HEPHL1: variants seen among roughly 807,000 people sequenced by gnomAD.
The protein encoded by HEPHL1 is ferroxidase HEPHL1.
A neutral mutation model predicts 122.0 loss-of-function variants in HEPHL1; 123 were observed. The ratio of observed to expected loss-of-function variants is 1.01; its 90% CI spans 0.87 to 1.17. The LOEUF (loss-of-function observed/expected upper bound fraction) is 1.17, where lower values mean the gene tolerates loss of function less well. Ranked by LOEUF, HEPHL1 falls within the 50% of genes most tolerant of loss-of-function variation. HEPHL1 has a pLI of 0.00. For missense variants in HEPHL1, 1,452 were observed against 1,430.5 expected (o/e 1.01, Z -0.24); for synonymous variants, 527 against 508.9 (o/e 1.04, Z -0.48).
intron 1 of HEPHL1, among the ~76,000 whole-genome samples, chr11:94,043,063 T>C (rs939539455): frequency 2.6e-5 from 4 of 152,048 alleles, no homozygotes; most frequent in Admixed American, 1.3e-4. Context: ...AAGTGCTCCA[T>C]GATACCTGAC....
In HEPHL1 at chr11:94,101,262, C is replaced by G. The variant is rs376584379; in HGVS notation, c.2502C>G (p.Pro834=). ...TATTTAAGAACAAAGCCAGTAGGCC[C>G]TACTCCATCTCAGCCCAGGGTGTGG... ...LIIFKNKASR[P]YSISAQGVEE... is the part of the protein sequence containing the mutation. Residue 834 remains proline (P), a synonymous_variant, in exon 14 of 20, where the codon CCC becomes CCG. Transcript: ENST00000315765. The G allele has an allele frequency of 1.2e-6, 2 of 1,613,968 alleles. No individual in the cohort carries two copies. Among genetic ancestry groups the G allele is most frequent in the South Asian group, 1.1e-5 (1 of 91,086 alleles).
chr11:94,111,249 A>C (rs1331486554), intron 18 of HEPHL1, among the ~76,000 whole-genome samples, 184 bp downstream of exon 18: 1 of 152,216 alleles, frequency 6.6e-6, no homozygotes, highest in South Asian at 2.1e-4. Flanking sequence ...TGCAGAGTAC[A>C]GGGCTTAATA....
In HEPHL1 at chr11:94,101,275, G is replaced by T; in HGVS notation, c.2515G>T (p.Ala839Ser). 7 of 1,613,906 alleles carry T rather than the reference G, an allele frequency of 4.3e-6. No homozygotes were observed. The highest frequency in any genetic ancestry group is 2.7e-5 in the African/African-American group (2 of 75,056). The change falls in exon 14 of 20, where the codon GCC becomes TCC. Residue 839 changes from alanine (A) to serine (S), a missense_variant. By Grantham distance (99) the Ala-to-Ser change is moderately conservative (BLOSUM62 1). Coordinates refer to ENST00000315765, the MANE Select transcript of HEPHL1 (RefSeq NM_001098672.2). Reference protein sequence around the residue: ...NKASRPYSISAQGVEEMDSGK... With the variant: ...NKASRPYSISSQGVEEMDSGK... ...AGCCAGTAGGCCCTACTCCATCTCA[G>T]CCCAGGGTGTGGAGGAGATGGATAG...
At chr11:94,035,181 T>C (rs1016660204) in intron 1 of HEPHL1, among the ~76,000 whole-genome samples, 2 of 152,216 alleles carry the variant, frequency 1.3e-5, no homozygotes, top group African/African-American at 4.8e-5. Flanking sequence ...AGCTCTTCCT[T>C]CTATTTGAGT....
intron 1 of HEPHL1, among the ~76,000 whole-genome samples, chr11:94,036,002 C>A (rs1203182094): frequency 6.6e-6 from 1 of 152,226 alleles, no homozygotes; most frequent in Non-Finnish European, 1.5e-5. Context: ...TCCCAAAGTG[C>A]TGGGATTACA....
In HEPHL1 at chr11:94,111,564, C is replaced by T. The variant is rs1474982133; in HGVS notation, c.3236C>T (p.Ser1079Phe). The change falls in exon 19 of 20, where the codon TCT becomes TTT. Residue 1079 changes from serine to phenylalanine, a missense_variant. By Grantham distance (155) the Ser-to-Phe change is radical. Coordinates refer to ENST00000315765, the MANE Select transcript of HEPHL1 (RefSeq NM_001098672.2). The stretch of plus-strand genomic sequence containing the variant: ...AACAGGATTCCTTACTCCACCACAT[C>T]TCCTGGAGTGGCATCTCACCCAGCC... ...IDNRIPYSTT[S>F]PGVASHPATV... is the part of the protein sequence containing the mutation. 3.1e-6 allele frequency: 5 copies of T among 1,605,170 alleles called. No individual in the cohort carries two copies. The Admixed American group carries it at 5.1e-5, about 16-fold the overall frequency.
chr11:94,104,415 A>T (rs1946392773), intron 15 of HEPHL1, 113 bp from the exon 16 acceptor site: 9 of 715,618 alleles, frequency 1.3e-5, no homozygotes, highest in Non-Finnish European at 2.1e-5. Flanking sequence ...AGAAGAATCA[A>T]TTTCTAGTCC....
chr11:94,067,386 C>A, intron 4 of HEPHL1, 110 bp from the exon 5 acceptor site: 1 of 999,014 alleles, frequency 1.0e-6, no homozygotes, highest in Non-Finnish European at 1.5e-6. Flanking sequence ...ACCTTACAAC[C>A]AATGGTCTGC....
intron 1 of HEPHL1, among the ~76,000 whole-genome samples, chr11:94,022,066 G>T (rs2949865): frequency 0.18 from 26,823 of 152,074 alleles, 2,596 homozygotes; most frequent in East Asian, 0.26. Context: ...TAGAATTAGC[G>T]CTTTCACTGG....
At position 94,036,713 on chromosome 11, in the gene HEPHL1, C is replaced by T. The variant is rs1204745366; in HGVS notation, c.171-8960C>T. ...AATTAGCCCGGCGTGGTGGCAGGCG[C>T]CTGTAGTCCCAGCTAGTCTGGAGGC... On this transcript the variant is annotated intron_variant, in intron 1 of 19. Transcript: ENST00000315765. Among the ~76,000 whole-genome samples, 3 of 152,046 alleles carry T rather than the reference C, an allele frequency of 2.0e-5. No individual in the cohort carries two copies. The East Asian group carries it at 5.8e-4, about 29-fold the overall frequency.
At chr11:94,102,836 A>G (rs1946378071) in intron 14 of HEPHL1, 78 bp from the exon 15 acceptor site, 1 of 729,760 alleles carries the variant, frequency 1.4e-6, no homozygotes, top group East Asian at 2.6e-5. Context: ...ATATATAAAG[A>G]CCTGCTTATA....
At chr11:94,092,334 G>A (rs1946268427) in intron 12 of HEPHL1, among the ~76,000 whole-genome samples, 1 of 152,140 alleles carries the variant, frequency 6.6e-6, no homozygotes, top group African/African-American at 2.4e-5. Flanking sequence ...TTGCAAATTT[G>A]CCTACTTGCT....
At chr11:94,033,210 C>T (rs1330181520) in intron 1 of HEPHL1, among the ~76,000 whole-genome samples, 1 of 152,186 alleles carries the variant, frequency 6.6e-6, no homozygotes, top group South Asian at 2.1e-4. Flanking sequence ...GCCTCAGTCT[C>T]TCCTTTTGCC....
chr11:94,045,285 G>T (rs1178828030), intron 1 of HEPHL1, among the ~76,000 whole-genome samples: 2 of 152,206 alleles, frequency 1.3e-5, no homozygotes, highest in East Asian at 3.9e-4. Flanking sequence ...AATTATCTAA[G>T]CCCATTATTT....
chr11:94,041,555 T>A (rs1945779208), intron 1 of HEPHL1, among the ~76,000 whole-genome samples: 1 of 79,778 alleles, frequency 1.3e-5, no homozygotes, highest in Non-Finnish European at 2.6e-5. Context: ...AACAGAGCCC[T>A]CAGAAATAAC....
chr11:94,063,480 C>CT lies in HEPHL1; in HGVS notation c.416-19dup, dbSNP rs533209190. 2,695 of 1,494,142 alleles carry CT rather than the reference C, an allele frequency of 1.8e-3. 26 individuals are homozygous for CT. The African/African-American group carries it at 0.028, about 15-fold the overall frequency. 92.6% of individuals were successfully genotyped at this position (1,494,142 alleles called of 1,614,324 possible). ...TCTCTCTGTTTTAACTATGTTTTACCTTTTTTTTTAATTTTATTTTTTGGA... is the reference window on the plus strand; with the variant it reads ...TCTCTCTGTTTTAACTATGTTTTACCTTTTTTTTTTAATTTTATTTTTTGGA... On this transcript the variant is annotated intron_variant, in intron 2 of 19. Coordinates refer to ENST00000315765, the MANE Select transcript of HEPHL1 (RefSeq NM_001098672.2).
At chr11:94,046,819 C>T (rs1346084873) in intron 2 of HEPHL1, among the ~76,000 whole-genome samples, 1 of 151,904 alleles carries the variant, frequency 6.6e-6, no homozygotes. Context: ...TTTTTGAATC[C>T]TGTATTTCAT....
chr11:94,069,798 C>G (rs573773604), intron 5 of HEPHL1, among the ~76,000 whole-genome samples: 1 of 152,116 alleles, frequency 6.6e-6, no homozygotes, highest in Admixed American at 6.6e-5. Flanking sequence ...TGAACATTTT[C>G]TTAGAAAAAC....
intron 1 of HEPHL1, among the ~76,000 whole-genome samples, chr11:94,033,207 T>C (rs1352795671): frequency 6.6e-6 from 1 of 152,202 alleles, no homozygotes; most frequent in Non-Finnish European, 1.5e-5. Context: ...CTTGCCTCAG[T>C]CTCTCCTTTT....
Sources: allele counts gnomAD v4.1 joint callset (sites outside exome capture counted in the v4.1 genomes callset), GRCh38; gene constraint gnomAD v4.1.1; transcripts MANE v1.5; gene names NCBI Gene and HGNC (gene_info 2026-07-23, HGNC 2026-07-21).